Variants in USH2A observed in about 807,000 individuals in gnomAD.
USH2A encodes the protein usherin.
In USH2A, 443 loss-of-function variants were observed where a neutral mutation model predicts 538.9. That is an observed-to-expected ratio of 0.82 (90% confidence interval 0.76 to 0.89). The LOEUF (loss-of-function observed/expected upper bound fraction) is 0.89. Among genes scored for constraint, USH2A ranks in the 40% least tolerant of loss-of-function variants. The probability of loss-of-function intolerance (pLI) is 0.00; values close to 1 mark genes in which losing one functional copy is unlikely to be tolerated. For missense variants in USH2A, 6,633 were observed against 6,324.8 expected, an observed-to-expected ratio of 1.05 and a Z score of -1.65; for synonymous variants, 2,413 against 2,273.5, an observed-to-expected ratio of 1.06 and a Z score of -1.75.
At chr1:215,842,884 G>C (rs559885887) in intron 46 of USH2A, among the ~76,000 whole-genome samples, 38 of 152,070 alleles carry the variant, frequency 2.5e-4, no homozygotes, top group Middle Eastern at 6.8e-3. Context: ...CTGGTAGATG[G>C]GTTGTTAGGT....
chr1:215,646,891 G>T (rs1012426389), intron 67 of USH2A, among the ~76,000 whole-genome samples: 3 of 152,158 alleles, frequency 2.0e-5, no homozygotes, highest in Non-Finnish European at 2.9e-5. Flanking sequence ...AATAACCATT[G>T]TGTTACAATT....
At chr1:215,870,486 G>A (rs1307709223) in intron 43 of USH2A, among the ~76,000 whole-genome samples, 5 of 146,918 alleles carry the variant, frequency 3.4e-5, no homozygotes, top group Non-Finnish European at 6.0e-5. Flanking sequence ...TAGTAGAGAC[G>A]GGGTTTCATC....
Position 215,674,447 on chromosome 1 carries a change from T to G in USH2A, c.13464A>C (p.Thr4488=), listed in dbSNP as rs749353722. 6.2e-7 allele frequency: 1 copy of G among 1,614,188 alleles called. No homozygotes were observed. Among genetic ancestry groups the G allele is most frequent in the South Asian group, 1.1e-5 (1 of 91,076 alleles). The change falls in exon 63 of 72, where the codon ACA becomes ACC. Residue 4488 remains threonine (T), a synonymous_variant. Coordinates refer to ENST00000307340, the MANE Select transcript of USH2A (RefSeq NM_206933.4). ...AATCACGATAGCGTGTTTCCAAGCC[T>G]GTATATACAATGGTTCCATCCCTCC... ...ELRRDGTIVY[T]GLETRYRDFT...
chr1:216,186,009 A>T (rs994754196), intron 20 of USH2A, among the ~76,000 whole-genome samples: 8 of 151,998 alleles, frequency 5.3e-5, no homozygotes, highest in African/African-American at 1.9e-4. Flanking sequence ...TACTTTTGTC[A>T]TATAAGAGAC....
chr1:215,993,230 G>A (rs1668047922), intron 34 of USH2A, 63 bp from the exon 35 acceptor site: 3 of 1,612,228 alleles, frequency 1.9e-6, no homozygotes, highest in Admixed American at 1.7e-5. Context: ...TGAACATTGA[G>A]GAAAGAGAAT....
At chr1:216,367,060 G>T (rs954641826) in intron 3 of USH2A, among the ~76,000 whole-genome samples, 9 of 152,034 alleles carry the variant, frequency 5.9e-5, no homozygotes, top group African/African-American at 2.2e-4. Flanking sequence ...AAAGAATGTG[G>T]TTCCATCTCT....
intron 34 of USH2A, 64 bp from the exon 35 acceptor site, chr1:215,993,231 G>A (rs1668047983): frequency 8.7e-6 from 14 of 1,612,002 alleles, no homozygotes; most frequent in Non-Finnish European, 1.0e-5. Flanking sequence ...GAACATTGAG[G>A]AAAGAGAATT....
chr1:216,040,081 ACACG>A (rs1460719176), intron 32 of USH2A, among the ~76,000 whole-genome samples: 1 of 138,214 alleles, frequency 7.2e-6, no homozygotes, highest in African/African-American at 2.7e-5. Flanking sequence ...ACACACACAC[ACACG>A]CATGCACACA....
In USH2A at chr1:216,052,324, A is replaced by G. The variant is rs575213525; in HGVS notation, c.6050-3677T>C. ...ATTTCAAGCCCGGTGAAACAATAAT[A>G]AGCCCTGAGAAATGAGAGCTGAAAA... On this transcript the variant is annotated intron_variant, in intron 30 of 71. Transcript: ENST00000307340. Among the ~76,000 whole-genome samples the G allele has an allele frequency of 5.9e-5, 9 of 151,926 alleles. No homozygotes were observed. The South Asian group carries it at 1.9e-3, about 32-fold the overall frequency.
intron 32 of USH2A, among the ~76,000 whole-genome samples, chr1:216,018,519 C>T (rs1478823281): frequency 6.6e-6 from 1 of 152,174 alleles, no homozygotes; most frequent in Non-Finnish European, 1.5e-5. Flanking sequence ...CTCATTCCCT[C>T]CTGTCTGTTG....
At chr1:216,178,452 G>T (rs767745108) in intron 20 of USH2A, among the ~76,000 whole-genome samples, 1 of 152,114 alleles carries the variant, frequency 6.6e-6, no homozygotes, top group African/African-American at 2.4e-5. Flanking sequence ...TCTCTTCAGA[G>T]TTTAGAGTTA....
intron 41 of USH2A, among the ~76,000 whole-genome samples, chr1:215,886,293 G>C (rs997926005): frequency 2.0e-5 from 3 of 152,106 alleles, no homozygotes; most frequent in African/African-American, 4.8e-5. Context: ...ATTTTACAAA[G>C]AGAAGTCGTT....
At chr1:215,854,340 G>A (rs1260575289) in intron 44 of USH2A, among the ~76,000 whole-genome samples, 1 of 152,078 alleles carries the variant, frequency 6.6e-6, no homozygotes, top group Non-Finnish European at 1.5e-5. Flanking sequence ...ACAACATGTG[G>A]GCATTATGGG....
At chr1:216,343,196 G>T (rs954893108) in intron 4 of USH2A, among the ~76,000 whole-genome samples, 3 of 151,792 alleles carry the variant, frequency 2.0e-5, no homozygotes, top group African/African-American at 7.3e-5. Flanking sequence ...ATAATTTCTT[G>T]TTAAATTTTT....
At chr1:215,999,822 T>C (rs1194302689) in intron 33 of USH2A, among the ~76,000 whole-genome samples, 1 of 152,122 alleles carries the variant, frequency 6.6e-6, no homozygotes, top group African/African-American at 2.4e-5. Flanking sequence ...AGAATTCATT[T>C]AGTCTAAACT....
At chr1:216,123,787 A>C (rs961955502) in intron 21 of USH2A, among the ~76,000 whole-genome samples, 2 of 152,212 alleles carry the variant, frequency 1.3e-5, no homozygotes, top group Non-Finnish European at 2.9e-5. Flanking sequence ...GAAAAATAAG[A>C]GCTGGAGCTT....
chr1:216,290,692 G>T (rs754300704), intron 10 of USH2A, among the ~76,000 whole-genome samples: 2 of 152,174 alleles, frequency 1.3e-5, no homozygotes, highest in African/African-American at 4.8e-5. Flanking sequence ...TCAGAACTGT[G>T]TTTCCAACTG....
intron 35 of USH2A, among the ~76,000 whole-genome samples, chr1:215,974,079 T>TAC (rs954060428): frequency 4.0e-5 from 6 of 151,556 alleles, no homozygotes; most frequent in African/African-American, 9.7e-5. Context: ...ATTATATTGA[T>TAC]ACACACACAC....
At chr1:216,232,821 C>T (rs957914302) in intron 13 of USH2A, among the ~76,000 whole-genome samples, 3 of 152,054 alleles carry the variant, frequency 2.0e-5, no homozygotes, top group Non-Finnish European at 4.4e-5. Flanking sequence ...ACTGTAGGGG[C>T]TTTATCTTGA....
Sources: gnomAD v4.1 joint callset for allele counts (sites outside exome capture counted in the v4.1 genomes callset) on GRCh38, gnomAD v4.1.1 for gene constraint, MANE v1.5 for transcripts, NCBI Gene and HGNC (gene_info 2026-07-23, HGNC 2026-07-21) for gene names.